MAP3K19: variants seen among roughly 807,000 people sequenced by gnomAD.
MAP3K19 encodes mitogen-activated protein kinase kinase kinase 19, also known as SPS1/STE20-related protein kinase YSK4.
Under a neutral mutation model 114.4 loss-of-function variants are expected in MAP3K19, and 91 were observed. The ratio of observed to expected loss-of-function variants is 0.80; its 90% CI spans 0.67 to 0.95. The LOEUF (loss-of-function observed/expected upper bound fraction) is 0.95, where lower values mean the gene tolerates loss of function less well. MAP3K19 is among the 40% of genes least tolerant of loss of function. The pLI is 0.00. For synonymous variants in MAP3K19, 518 were observed against 530.5 expected (o/e 0.98, Z 0.32); for missense variants, 1,471 against 1,573.2 (o/e 0.94, Z 1.10).
intron 5 of MAP3K19, among the ~76,000 whole-genome samples, chr2:135,012,746 G>A (rs1245187612): frequency 1.3e-5 from 2 of 152,048 alleles, no homozygotes; most frequent in African/African-American, 4.8e-5. Context: ...GACTTATTAT[G>A]GCAGTTAATA....
rs770404853 is a variant in MAP3K19, at chr2:134,986,611, T to C, written c.2261A>G (p.His754Arg). The change falls in exon 10 of 13, where the codon CAT (histidine) becomes CGT (arginine). Residue 754 changes from histidine to arginine, a missense_variant. Coordinates refer to ENST00000392915, the MANE Select transcript of MAP3K19 (RefSeq NM_025052.5). ...KSSKAVHSNL[H>R]DIENGDGISE... ...AATACCATCACCATTTTCAATGTCA[T>C]GTAGGTTGCTATGTACAGCCTTGGA... The C allele has an allele frequency of 3.1e-6, 5 of 1,614,062 alleles. No individual in the cohort carries two copies. The highest frequency in any genetic ancestry group is 4.5e-5 in the East Asian group (2 of 44,890).
Position 134,987,815 on chromosome 2 carries a change from C to T in MAP3K19, c.1057G>A (p.Gly353Ser), listed in dbSNP as rs1415401064. Reference sequence around the variant, plus strand: ...TCTTCAGGTTTTCGCGTTTTACTACCATGGCAGTCAATATCCTCTTCCCTA... The same window carrying T: ...TCTTCAGGTTTTCGCGTTTTACTACTATGGCAGTCAATATCCTCTTCCCTA... ...AVREEDIDCH[G>S]SKTRKPEEEN... The change falls in exon 10 of 13, where the codon GGT (glycine) becomes AGT (serine). Residue 353 changes from glycine (G) to serine (S), a missense_variant. Coordinates refer to ENST00000392915, the MANE Select transcript of MAP3K19 (RefSeq NM_025052.5). 3.7e-6 allele frequency: 6 copies of T among 1,608,268 alleles called. No homozygotes were observed. The highest frequency in any genetic ancestry group is 3.3e-5 in the Admixed American group (2 of 60,012).
intron 6 of MAP3K19, among the ~76,000 whole-genome samples, chr2:135,001,400 T>C (rs1189852614): frequency 6.6e-6 from 1 of 152,336 alleles, no homozygotes; most frequent in African/African-American, 2.4e-5. Context: ...CACCAGACTA[T>C]GTAGCAAAAA....
chr2:134,970,263 T>C (rs543436501), intron 12 of MAP3K19, among the ~76,000 whole-genome samples: 38 of 152,310 alleles, frequency 2.5e-4, no homozygotes, highest in Admixed American at 1.4e-3. Context: ...TGAGCATTTG[T>C]TTGTGTCTTC....
intron 12 of MAP3K19, among the ~76,000 whole-genome samples, chr2:134,969,591 C>A (rs1392477311): frequency 1.3e-5 from 2 of 152,034 alleles, no homozygotes; most frequent in Non-Finnish European, 2.9e-5. Context: ...CAAATATTTT[C>A]TCCCATTCAA....
chr2:134,987,562 C>T lies in MAP3K19; in HGVS notation c.1310G>A (p.Cys437Tyr). The change falls in exon 10 of 13, where the codon TGT (cysteine) becomes TAT (tyrosine). Residue 437 changes from cysteine to tyrosine, a missense_variant. Coordinates refer to ENST00000392915, the MANE Select transcript of MAP3K19 (RefSeq NM_025052.5). ...AMEPNNILEE[C>Y]TVLKSLSSVV... ...ACTGGATAAGCTTTTAAGTACAGTA[C>T]ACTCTTCTAAAATATTGTTTGGTTC... 1 of 1,614,128 alleles carries T rather than the reference C, an allele frequency of 6.2e-7. No individual in the cohort carries two copies. Among genetic ancestry groups the T allele is most frequent in the Non-Finnish European group, 8.5e-7 (1 of 1,179,996 alleles).
rs533748170 is a variant in MAP3K19 at position 134,985,218 on chromosome 2, T to A, written c.3072+582A>T. On this transcript the variant is annotated intron_variant, in intron 10 of 12. Coordinates refer to ENST00000392915, the MANE Select transcript of MAP3K19 (RefSeq NM_025052.5). ...TTTGCTTACACTTCCATGAGAGCAA[T>A]GGCCGAGTCTTGTACAGCACTATGC... Among the ~76,000 whole-genome samples, 109 of 152,346 alleles carry A rather than the reference T, an allele frequency of 7.2e-4. 1 individual carries two copies. In the Middle Eastern group the frequency reaches 0.01, roughly 14 times the overall value.
At chr2:135,041,729 A>G (rs1355125221) in intron 1 of MAP3K19, among the ~76,000 whole-genome samples, 3 of 152,192 alleles carry the variant, frequency 2.0e-5, no homozygotes, top group African/African-American at 7.2e-5. Context: ...GCCACATGCT[A>G]TTGATTCGAT....
intron 3 of MAP3K19, 43 bp from the exon 4 acceptor site, chr2:135,024,784 C>A: frequency 2.8e-6 from 2 of 714,438 alleles, no homozygotes; most frequent in South Asian, 3.8e-5. Context: ...TTAGTTGAAT[C>A]TGTTGAAAAA....
At chr2:134,973,730 G>A (rs769858301) in intron 12 of MAP3K19, among the ~76,000 whole-genome samples, 21 of 151,906 alleles carry the variant, frequency 1.4e-4, no homozygotes, top group African/African-American at 4.1e-4. Flanking sequence ...TAGTGTTAAC[G>A]TTTGAGTCCT....
intron 5 of MAP3K19, among the ~76,000 whole-genome samples, chr2:135,006,508 C>G (rs926141508): frequency 1.3e-5 from 2 of 152,084 alleles, no homozygotes; most frequent in African/African-American, 4.8e-5. Flanking sequence ...TTTTAATTGT[C>G]GTAGCAAATA....
chr2:135,013,068 C>G (rs1687345961), intron 5 of MAP3K19, among the ~76,000 whole-genome samples: 1 of 152,098 alleles, frequency 6.6e-6, no homozygotes, highest in African/African-American at 2.4e-5. Context: ...GCCTGTAATC[C>G]TAACACTTTG....
At chr2:134,976,449 AACTG>A (rs1261716562) in intron 12 of MAP3K19, among the ~76,000 whole-genome samples, 1 of 152,148 alleles carries the variant, frequency 6.6e-6, no homozygotes, top group Non-Finnish European at 1.5e-5. Flanking sequence ...ATCTCAACCA[AACTG>A]ACTGTCTTCC....
chr2:134,998,776 G>A lies in MAP3K19; in HGVS notation c.536C>T (p.Ala179Val), dbSNP rs1448984930. 6.2e-7 allele frequency: 1 copy of A among 1,604,526 alleles called. No individual in the cohort carries two copies. Among genetic ancestry groups the A allele is most frequent in the Non-Finnish European group, 8.5e-7 (1 of 1,174,384 alleles). ...NISKSVTRED[A>V]PHFLKEQQRK... ...TTGCTGCTCCTTCAGAAAATGAGGA[G>A]CATCTTCTCTGGTTACAGACTTGGA... Residue 179 changes from alanine to valine, a missense_variant, in exon 8 of 13, where the codon GCT becomes GTT. Transcript: ENST00000392915.
At position 135,021,827 on chromosome 2, in the gene MAP3K19, C is replaced by T. The variant is rs764427608; in HGVS notation, c.26G>A (p.Arg9Lys). Residue 9 changes from arginine to lysine, a missense_variant, in exon 5 of 13, where the codon AGA becomes AAA. Physicochemically the swap from Arg to Lys is conservative, Grantham distance 26. Coordinates refer to ENST00000392915, the MANE Select transcript of MAP3K19 (RefSeq NM_025052.5). MSSMPKPE[R>K]HAESLLDICH... ...AATGTCAAGCAATGACTCAGCATGT[C>T]TTTCTATCAAAAGAAACATAATAGT... 4 of 1,581,982 alleles carry T rather than the reference C, an allele frequency of 2.5e-6. No individual in the cohort carries two copies. The highest frequency in any genetic ancestry group is 1.8e-5 in the Admixed American group (1 of 56,998).
In MAP3K19 at chr2:134,981,514, T is replaced by G; in HGVS notation, c.3227A>C (p.Tyr1076Ser). ...CTGTCCTTGACTAGTGAGACCACAG[T>G]ATACCTAGAAGCAAATCAATAATAC... ...ILGKGAYGTV[Y>S]CGLTSQGQLI... Residue 1076 changes from tyrosine (Y) to serine (S), a missense_variant, in exon 12 of 13, where the codon TAC (tyrosine) becomes TCC (serine). Transcript: ENST00000392915. 6.2e-7 allele frequency: 1 copy of G among 1,607,136 alleles called. No individual in the cohort carries two copies. The highest frequency in any genetic ancestry group is 8.5e-7 in the Non-Finnish European group (1 of 1,175,812).
intron 8 of MAP3K19, among the ~76,000 whole-genome samples, chr2:134,993,854 T>C (rs1685791184): frequency 6.6e-6 from 1 of 151,908 alleles, no homozygotes. Context: ...CTACAAAAAA[T>C]GTTAAAAGTA....
At chr2:134,967,573 A>G (rs189320817) in intron 12 of MAP3K19, among the ~76,000 whole-genome samples, 8 of 152,368 alleles carry the variant, frequency 5.3e-5, no homozygotes, top group African/African-American at 1.9e-4. Context: ...GTTTGGGTGG[A>G]GAGAAACATA....
rs570962228 is a variant in MAP3K19, at chr2:134,977,980, A to G, written c.3920+2841T>C. ...AACATTCACTACTCCCTCCTACCTG[A>G]AACTACCTCTGCTTAGACTTAGGGA... On this transcript the variant is annotated intron_variant, in intron 12 of 12. Coordinates refer to ENST00000392915, the MANE Select transcript of MAP3K19 (RefSeq NM_025052.5). 2.6e-5 allele frequency among the ~76,000 whole-genome samples: 4 copies of G among 152,148 alleles called. No homozygotes were observed. In the South Asian group the frequency reaches 8.3e-4, roughly 32 times the overall value.
Sources: gnomAD v4.1 joint callset for allele counts (sites outside exome capture counted in the v4.1 genomes callset) on GRCh38, gnomAD v4.1.1 for gene constraint, MANE v1.5 for transcripts, NCBI Gene and HGNC (gene_info 2026-07-23, HGNC 2026-07-21) for gene names.